CACNA1E: variants seen among roughly 807,000 people sequenced by gnomAD.
CACNA1E encodes the protein calcium voltage-gated channel subunit alpha1 E.
A neutral mutation model predicts 259.2 loss-of-function variants in CACNA1E; 40 were observed. The observed-to-expected ratio is 0.15, with a 90% CI of 0.12 to 0.20. The LOEUF is 0.20. CACNA1E is among the 10% of genes least tolerant of loss of function. The probability of loss-of-function intolerance (pLI) is 1.00; values close to 1 mark genes in which losing one functional copy is unlikely to be tolerated. For missense variants in CACNA1E, 1,874 were observed against 3,040.1 expected (o/e 0.62, Z 9.02); for synonymous variants, 1,104 against 1,138.5 (o/e 0.97, Z 0.61).
At chr1:181,673,737 G>C (rs1649057936) in intron 7 of CACNA1E, among the ~76,000 whole-genome samples, 1 of 152,110 alleles carries the variant, frequency 6.6e-6, no homozygotes, top group Admixed American at 6.5e-5. Flanking sequence ...GGAAATTACA[G>C]TCGACATGAC....
chr1:181,537,827 G>A (rs1668291136), intron 3 of CACNA1E, among the ~76,000 whole-genome samples: 1 of 152,166 alleles, frequency 6.6e-6, no homozygotes, highest in Non-Finnish European at 1.5e-5. Flanking sequence ...TATAGATGAA[G>A]AAACAGAGGT....
intron 3 of CACNA1E, among the ~76,000 whole-genome samples, chr1:181,539,541 A>AAT (rs1441837033): frequency 1.3e-5 from 2 of 152,178 alleles, no homozygotes; most frequent in Non-Finnish European, 2.9e-5. Context: ...TGGGAGGAAG[A>AAT]ATATATTATT....
chr1:181,796,676 T>C lies in CACNA1E; in HGVS notation c.6217T>C (p.Ser2073Pro). ...TTTGTCACCTCTCACAGGCCACAAG[T>C]CTGACACTCACCGCTCAGGGGGCAG... Reference protein sequence around the residue: ...HRLNSDSGHKSDTHRSGGRER... With the variant: ...HRLNSDSGHKPDTHRSGGRER... Residue 2073 changes from serine to proline, a missense_variant, in exon 47 of 48, where the codon TCT (serine) becomes CCT (proline). By Grantham distance (74) the Ser-to-Pro change is moderately conservative. This residue lies in a region of CACNA1E where 542 missense variants were observed against 587.2 expected (regional missense o/e 0.92). Coordinates refer to ENST00000367573, the MANE Select transcript of CACNA1E (RefSeq NM_001205293.3). 1 of 1,596,126 alleles carries C rather than the reference T, an allele frequency of 6.3e-7. No homozygotes were observed. Among genetic ancestry groups the C allele is most frequent in the Non-Finnish European group, 8.6e-7 (1 of 1,167,764 alleles).
chr1:181,663,485 C>T lies in CACNA1E; in HGVS notation c.1055+12044C>T, dbSNP rs370504875. On this transcript the variant is annotated intron_variant, in intron 7 of 47. Coordinates refer to ENST00000367573, the MANE Select transcript of CACNA1E (RefSeq NM_001205293.3). ...AGGATGTCTTTCCATGTATTTGGAT[C>T]GCTCCTGATATCTTAGTGCCTTGTT... Among the ~76,000 whole-genome samples the T allele has an allele frequency of 7.9e-4, 121 of 152,278 alleles. No homozygotes were observed. The Middle Eastern group carries it at 0.017, about 21-fold the overall frequency.
intron 1 of CACNA1E, among the ~76,000 whole-genome samples, chr1:181,410,849 CT>C (rs1365009553): frequency 2.0e-5 from 3 of 152,182 alleles, no homozygotes; most frequent in South Asian, 2.1e-4. Flanking sequence ...TTGAAATAGT[CT>C]TTGTTTTTGT....
At chr1:181,332,109 T>C (rs1651318769) in intron 1 of CACNA1E, among the ~76,000 whole-genome samples, 1 of 152,094 alleles carries the variant, frequency 6.6e-6, no homozygotes. Flanking sequence ...CAAACTAACG[T>C]AGGAACAGAA....
intron 25 of CACNA1E, among the ~76,000 whole-genome samples, chr1:181,739,988 G>T (rs1207141656): frequency 1.3e-5 from 2 of 152,172 alleles, no homozygotes; most frequent in African/African-American, 4.8e-5. Flanking sequence ...TAGCCCTCCT[G>T]GGATTAACTA....
chr1:181,486,146 C>T (rs1398893531), intron 1 of CACNA1E, among the ~76,000 whole-genome samples: 2 of 152,268 alleles, frequency 1.3e-5, no homozygotes, highest in African/African-American at 2.4e-5. Flanking sequence ...TTACTCCTCC[C>T]TTTCCTTGTC....
chr1:181,392,462 A>G (rs1038553788), intron 1 of CACNA1E, among the ~76,000 whole-genome samples: 3 of 152,192 alleles, frequency 2.0e-5, no homozygotes, highest in Admixed American at 2.0e-4. Context: ...TTGCCAAAGA[A>G]GGATAGTTTA....
chr1:181,744,095 A>G lies in CACNA1E; in HGVS notation c.3719+4842A>G, dbSNP rs1448976194. On this transcript the variant is annotated intron_variant, in intron 25 of 47. Coordinates refer to ENST00000367573, the MANE Select transcript of CACNA1E (RefSeq NM_001205293.3). ...CAGTCCTTAGCCAGAAACGAAAAAC[A>G]TGAGTCAATCTGCCTCTTGATGCCA... is the stretch of plus-strand genomic sequence containing the variant. Among the ~76,000 whole-genome samples the G allele has an allele frequency of 3.3e-5, 5 of 152,260 alleles. 1 individual carries two copies. Among genetic ancestry groups the G allele is most frequent in the Admixed American group, 1.3e-4 (2 of 15,290 alleles).
chr1:181,718,799 G>A (rs1005097038), intron 12 of CACNA1E, among the ~76,000 whole-genome samples: 5 of 152,038 alleles, frequency 3.3e-5, no homozygotes, highest in African/African-American at 1.2e-4. Context: ...TTTGTCCCCT[G>A]CCGCTTACAG....
chr1:181,460,261 G>A (rs1219525793), intron 2 of CACNA1E, among the ~76,000 whole-genome samples: 1 of 152,206 alleles, frequency 6.6e-6, no homozygotes, highest in Non-Finnish European at 1.5e-5. Flanking sequence ...GCAGTTTGGA[G>A]AATAGATTGA....
At chr1:181,719,089 A>G (rs1270647433) in intron 12 of CACNA1E, among the ~76,000 whole-genome samples, 1 of 152,254 alleles carries the variant, frequency 6.6e-6, no homozygotes. Context: ...CTAGTGAGAG[A>G]TCACTTTAAC....
At chr1:181,736,546 C>A (rs1656051136) in intron 22 of CACNA1E, 112 bp downstream of exon 22, 1 of 997,854 alleles carries the variant, frequency 1.0e-6, no homozygotes, top group African/African-American at 1.6e-5. Context: ...CTTCTTAAGC[C>A]TTCCTGGTGG....
intron 2 of CACNA1E, among the ~76,000 whole-genome samples, chr1:181,451,761 C>A (rs536315945): frequency 1.4e-4 from 22 of 152,238 alleles, no homozygotes; most frequent in Middle Eastern, 3.4e-3. Context: ...AAGGGTAAAG[C>A]CTTTGAGTGC....
intron 43 of CACNA1E, 22 bp from the exon 44 acceptor site, chr1:181,790,423 T>C (rs371395753): frequency 6.7e-7 from 1 of 1,489,190 alleles, no homozygotes; most frequent in African/African-American, 1.4e-5. Context: ...TCATTACCTC[T>C]GGATTTGACA....
intron 3 of CACNA1E, among the ~76,000 whole-genome samples, chr1:181,563,610 G>T (rs1324134562): frequency 1.3e-5 from 2 of 152,290 alleles, no homozygotes; most frequent in Middle Eastern, 3.4e-3. Context: ...CAAGGATCAT[G>T]AGTGAGTAAA....
intron 16 of CACNA1E, among the ~76,000 whole-genome samples, chr1:181,723,486 T>C (rs1558307918): frequency 6.6e-6 from 1 of 152,204 alleles, no homozygotes; most frequent in Non-Finnish European, 1.5e-5. Flanking sequence ...TGGGTTTTTT[T>C]ACTCACCAAC....
chr1:181,498,469 T>C (rs1051904385), intron 1 of CACNA1E, among the ~76,000 whole-genome samples: 1 of 152,224 alleles, frequency 6.6e-6, no homozygotes, highest in Non-Finnish European at 1.5e-5. Flanking sequence ...AAGATGTCCC[T>C]GGGTGTGCCA....
Sources: allele counts gnomAD v4.1 joint callset (sites outside exome capture counted in the v4.1 genomes callset), GRCh38; gene constraint gnomAD v4.1.1; regional missense constraint gnomAD v4.1.1; transcripts MANE v1.5; gene names NCBI Gene and HGNC (gene_info 2026-07-23, HGNC 2026-07-21).